The following CHD7 variants were observed in gnomAD, a reference collection of about 807,000 sequenced individuals.
CHD7 encodes the protein chromodomain helicase DNA binding protein 7, also known as ATP-dependent chromatin remodeler CHD7.
In CHD7, 24 loss-of-function variants were observed where a neutral mutation model predicts 307.3. The ratio of observed to expected loss-of-function variants is 0.08; its 90% CI spans 0.06 to 0.11. The LOEUF is 0.11. Among genes scored for constraint, CHD7 ranks in the 10% least tolerant of loss-of-function variants. The pLI is 1.00. For synonymous variants in CHD7, 1,363 were observed against 1,349.9 expected (o/e 1.01, Z -0.21); for missense variants, 3,106 against 3,727.1 (o/e 0.83, Z 4.34).
At chr8:60,806,367 A>G (rs1160893971) in intron 6 of CHD7, among the ~76,000 whole-genome samples, 2 of 152,202 alleles carry the variant, frequency 1.3e-5, no homozygotes, top group East Asian at 3.9e-4. Flanking sequence ...CGTCTCAAAA[A>G]AAAAGGGAGT....
intron 13 of CHD7, chr8:60,825,101 A>G (rs999444930): frequency 6.6e-6 from 1 of 152,158 alleles, no homozygotes; most frequent in Non-Finnish European, 1.5e-5. Context: ...TCTGCAGGCT[A>G]ATTTGATCTT....
intron 23 of CHD7, among the ~76,000 whole-genome samples, chr8:60,848,216 C>T (rs189098516): frequency 3.3e-5 from 5 of 152,300 alleles, no homozygotes; most frequent in Admixed American, 2.0e-4. Flanking sequence ...TGGTAGGGTA[C>T]GTGTCTAAAC....
At chr8:60,847,692 T>C (rs1239589911) in intron 23 of CHD7, among the ~76,000 whole-genome samples, 2 of 152,210 alleles carry the variant, frequency 1.3e-5, no homozygotes, top group South Asian at 2.1e-4. Context: ...GTGGACTTTA[T>C]TGAAAGAATT....
chr8:60,808,306 G>A (rs376553364), intron 7 of CHD7, 34 bp downstream of exon 7: 1 of 1,259,610 alleles, frequency 7.9e-7, no homozygotes, highest in Non-Finnish European at 1.1e-6. Context: ...TTAATGGGGG[G>A]CTATATTTTC....
chr8:60,714,707 C>T (rs1807491685), intron 1 of CHD7, among the ~76,000 whole-genome samples: 1 of 152,204 alleles, frequency 6.6e-6, no homozygotes. Flanking sequence ...GGCTCCCGCT[C>T]CTCCTCACTC....
chr8:60,733,895 T>C (rs548769678), intron 1 of CHD7, among the ~76,000 whole-genome samples: 51 of 152,322 alleles, frequency 3.3e-4, no homozygotes, highest in African/African-American at 1.2e-3. Flanking sequence ...AACATAGCAT[T>C]AGATATTAAT....
chr8:60,783,084 T>G (rs1268680064), intron 3 of CHD7, among the ~76,000 whole-genome samples: 1 of 152,178 alleles, frequency 6.6e-6, no homozygotes, highest in Non-Finnish European at 1.5e-5. Context: ...GATTCCAGCT[T>G]TCATCTTAAT....
intron 1 of CHD7, among the ~76,000 whole-genome samples, chr8:60,714,251 A>G (rs569658396): frequency 6.6e-6 from 1 of 151,976 alleles, no homozygotes; most frequent in South Asian, 2.1e-4. Context: ...GAAGGCCCTC[A>G]TAAGGCCCTC....
chr8:60,830,747 T>C (rs1804472662), intron 15 of CHD7, among the ~76,000 whole-genome samples, 170 bp downstream of exon 15: 1 of 152,200 alleles, frequency 6.6e-6, no homozygotes, highest in Non-Finnish European at 1.5e-5. Flanking sequence ...CTGTGGTTGC[T>C]GAAGGTGAGT....
At chr8:60,680,402 G>T (rs1345911205) in intron 1 of CHD7, among the ~76,000 whole-genome samples, 4 of 128,568 alleles carry the variant, frequency 3.1e-5, no homozygotes, top group African/African-American at 2.9e-5. Context: ...AGGTCGCGGG[G>T]GGGGGGGGCG....
intron 2 of CHD7, among the ~76,000 whole-genome samples, chr8:60,747,044 G>A (rs989151167): frequency 6.6e-6 from 1 of 152,116 alleles, no homozygotes; most frequent in Non-Finnish European, 1.5e-5. Context: ...GTCTCAGAAA[G>A]TTTTAAGTTT....
chr8:60,690,424 G>T (rs1806136773), intron 1 of CHD7, among the ~76,000 whole-genome samples: 1 of 151,998 alleles, frequency 6.6e-6, no homozygotes, highest in African/African-American at 2.4e-5. Context: ...TTTCAGAGCT[G>T]TGTTTATCAC....
intron 2 of CHD7, among the ~76,000 whole-genome samples, chr8:60,749,801 G>C (rs902804644): frequency 6.6e-6 from 1 of 152,196 alleles, no homozygotes; most frequent in African/African-American, 2.4e-5. Context: ...TTTAGTTAAA[G>C]CAAACCATCC....
chr8:60,802,351 AC>A (rs1407578125), intron 6 of CHD7, among the ~76,000 whole-genome samples: 2 of 152,124 alleles, frequency 1.3e-5, no homozygotes, highest in Non-Finnish European at 2.9e-5. Flanking sequence ...AATTACATAA[AC>A]CTGCAGGTGC....
At chr8:60,694,877 G>A (rs965416516) in intron 1 of CHD7, among the ~76,000 whole-genome samples, 1 of 152,214 alleles carries the variant, frequency 6.6e-6, no homozygotes, top group African/African-American at 2.4e-5. Flanking sequence ...GTGAGATTCT[G>A]ACTTATATTA....
At chr8:60,718,504 G>A (rs1807729560) in intron 1 of CHD7, among the ~76,000 whole-genome samples, 1 of 151,538 alleles carries the variant, frequency 6.6e-6, no homozygotes. Flanking sequence ...AGTTTGAAAA[G>A]TAAAAAACTA....
At chr8:60,685,862 G>A (rs1805858230) in intron 1 of CHD7, among the ~76,000 whole-genome samples, 1 of 152,148 alleles carries the variant, frequency 6.6e-6, no homozygotes. Flanking sequence ...GAAAATACAG[G>A]ACAGTAATTT....
At chr8:60,694,328 T>G (rs1363886202) in intron 1 of CHD7, among the ~76,000 whole-genome samples, 1 of 152,242 alleles carries the variant, frequency 6.6e-6, no homozygotes. Flanking sequence ...GATGTGAGAT[T>G]ATGGCTTTGC....
intron 3 of CHD7, 115 bp downstream of exon 3, chr8:60,781,545 A>G (rs1811232906): frequency 7.3e-7 from 1 of 1,360,732 alleles, no homozygotes; most frequent in Non-Finnish European, 9.7e-7. Flanking sequence ...TTTTGTCATC[A>G]TTGAGTTTCT....
Sources: gnomAD v4.1 joint callset for allele counts (sites outside exome capture counted in the v4.1 genomes callset) on GRCh38, gnomAD v4.1.1 for gene constraint, MANE v1.5 for transcripts, NCBI Gene and HGNC (gene_info 2026-07-23, HGNC 2026-07-21) for gene names.